Variants in ERCC8 observed in about 807,000 individuals in gnomAD.
ERCC8 encodes the protein ERCC excision repair 8, CSA ubiquitin ligase complex subunit.
A neutral mutation model predicts 54.9 loss-of-function variants in ERCC8; 52 were observed. That is an observed-to-expected ratio of 0.95 (90% CI 0.76 to 1.19). ERCC8 has a LOEUF of 1.19. Ranked by LOEUF, ERCC8 falls within the 50% of genes most tolerant of loss-of-function variation. The pLI is 0.00. For missense variants in ERCC8, 514 were observed against 466.1 expected (o/e 1.10, Z -0.95); for synonymous variants, 146 against 157.2 (o/e 0.93, Z 0.53).
At chr5:60,898,157 T>C in intron 9 of ERCC8, 119 bp downstream of exon 9, 1 of 1,188,886 alleles carries the variant, frequency 8.4e-7, no homozygotes, top group Non-Finnish European at 1.2e-6. Context: ...TAGAAACACA[T>C]TTTTAAAAAC....
At chr5:60,898,480 T>C in intron 8 of ERCC8, 80 bp from the exon 9 acceptor site, 1 of 1,514,226 alleles carries the variant, frequency 6.6e-7, no homozygotes, top group Non-Finnish European at 9.1e-7. Flanking sequence ...ATTAAACATA[T>C]TAAAGGACAA....
chr5:60,919,578 T>TA (rs1186761442), intron 3 of ERCC8: 10 of 152,058 alleles, frequency 6.6e-5, no homozygotes, highest in Admixed American at 5.9e-4. Context: ...TGCCTACTCA[T>TA]ATTTCCTTTT....
At chr5:60,902,361 T>G in intron 7 of ERCC8, 81 bp downstream of exon 7, 1 of 1,041,218 alleles carries the variant, frequency 9.6e-7, no homozygotes, top group Non-Finnish European at 1.5e-6. Context: ...TATGCTAAAA[T>G]ATATACATTA....
At position 60,899,665 on chromosome 5, in the gene ERCC8, TC is replaced by T. The variant is rs1554073175; in HGVS notation, c.679del (p.Asp227IlefsTer43). On this transcript the variant is annotated frameshift_variant, in exon 8 of 12. Coordinates refer to ENST00000676185, the MANE Select transcript of ERCC8 (RefSeq NM_000082.4). LOFTEE classifies it high-confidence loss of function. Reference protein sequence around the residue: ...RRASGCLITLDQHNGKKSQAV... With the variant: ...RRASGCLITLXQHNGKKSQAV... Reference sequence around the variant, plus strand: ...TTGTGACTTTTTCCCATTATGTTGATCAAGAGTAATCAAACATCCTGATGCT... The same window carrying T: ...TTGTGACTTTTTCCCATTATGTTGATAAGAGTAATCAAACATCCTGATGCT... 1 of 1,612,378 alleles carries T rather than the reference TC, an allele frequency of 6.2e-7. No individual in the cohort carries two copies. Among genetic ancestry groups the T allele is most frequent in the African/African-American group, 1.3e-5 (1 of 75,006 alleles).
intron 6 of ERCC8, 33 bp from the exon 7 acceptor site, chr5:60,902,541 G>A (rs1282809618): frequency 1.9e-6 from 3 of 1,567,920 alleles, no homozygotes; most frequent in African/African-American, 2.7e-5. Context: ...AGTCTTGCAA[G>A]ATATCTGAAA....
At chr5:60,931,088 C>G (rs1749895598) in intron 1 of ERCC8, among the ~76,000 whole-genome samples, 1 of 151,560 alleles carries the variant, frequency 6.6e-6, no homozygotes, top group South Asian at 2.1e-4. Flanking sequence ...TATACTCCAA[C>G]CTGGGTGACA....
At chr5:60,881,298 C>T (rs1240173433) in intron 11 of ERCC8, among the ~76,000 whole-genome samples, 1 of 152,158 alleles carries the variant, frequency 6.6e-6, no homozygotes, top group Non-Finnish European at 1.5e-5. Context: ...AGTTAGGCTA[C>T]TCGGCATCAG....
chr5:60,877,016 C>G (rs1748032284), intron 11 of ERCC8, among the ~76,000 whole-genome samples: 2 of 152,124 alleles, frequency 1.3e-5, no homozygotes, highest in Non-Finnish European at 2.9e-5. Flanking sequence ...GGTTTTAGGT[C>G]TAACATTTAA....
intron 9 of ERCC8, among the ~76,000 whole-genome samples, chr5:60,894,571 T>C (rs1422564512): frequency 6.6e-6 from 1 of 151,882 alleles, no homozygotes; most frequent in Non-Finnish European, 1.5e-5. Flanking sequence ...TTGCTTGTAC[T>C]CCAAAGGTGT....
At chr5:60,928,171 T>C (rs894358204) in intron 2 of ERCC8, among the ~76,000 whole-genome samples, 1 of 152,146 alleles carries the variant, frequency 6.6e-6, no homozygotes, top group African/African-American at 2.4e-5. Flanking sequence ...TTATGACGAA[T>C]TGTAAGTAGG....
intron 9 of ERCC8, among the ~76,000 whole-genome samples, chr5:60,896,434 TCTCCTGAC>T (rs1748727947): frequency 6.6e-6 from 1 of 152,064 alleles, no homozygotes; most frequent in South Asian, 2.1e-4. Flanking sequence ...ATGGTCTTGA[TCTCCTGAC>T]CTCGTGATCC....
chr5:60,902,878 TAA>T (rs908372754), intron 6 of ERCC8, among the ~76,000 whole-genome samples: 2 of 151,980 alleles, frequency 1.3e-5, no homozygotes, highest in African/African-American at 4.8e-5. Context: ...CAATTTCTCA[TAA>T]AGTTATAAGA....
chr5:60,898,513 G>C, intron 8 of ERCC8, 113 bp from the exon 9 acceptor site: 1 of 1,185,888 alleles, frequency 8.4e-7, no homozygotes, highest in South Asian at 1.3e-5. Flanking sequence ...CTTAAAAAAT[G>C]TAAGTAGATT....
chr5:60,879,483 A>G (rs1052060740), intron 11 of ERCC8, among the ~76,000 whole-genome samples: 1 of 152,152 alleles, frequency 6.6e-6, no homozygotes, highest in African/African-American at 2.4e-5. Flanking sequence ...AAAGTCTCCC[A>G]TTATTATTGT....
At chr5:60,886,234 C>T (rs1002824439) in intron 11 of ERCC8, among the ~76,000 whole-genome samples, 2 of 152,114 alleles carry the variant, frequency 1.3e-5, no homozygotes, top group African/African-American at 4.8e-5. Flanking sequence ...AAAAAAAATA[C>T]AGAGGCTATT....
chr5:60,878,081 A>C (rs1252693434), intron 11 of ERCC8, among the ~76,000 whole-genome samples: 3 of 152,258 alleles, frequency 2.0e-5, no homozygotes, highest in Non-Finnish European at 4.4e-5. Flanking sequence ...TTTAGCATGA[A>C]GGTTGTTGAA....
At chr5:60,921,190 C>T (rs1749590462) in intron 3 of ERCC8, among the ~76,000 whole-genome samples, 1 of 151,728 alleles carries the variant, frequency 6.6e-6, no homozygotes, top group South Asian at 2.1e-4. Flanking sequence ...ACTGATTTTC[C>T]CAAATTTGTA....
At chr5:60,910,594 T>C (rs1749229217) in intron 4 of ERCC8, among the ~76,000 whole-genome samples, 1 of 152,208 alleles carries the variant, frequency 6.6e-6, no homozygotes, top group Non-Finnish European at 1.5e-5. Context: ...AATAGTCTTG[T>C]ATATTTTTCA....
rs1378782247 is a variant in ERCC8, at chr5:60,944,926, C to G, written c.77+6G>C. 1 of 1,612,760 alleles carries G rather than the reference C, an allele frequency of 6.2e-7. No individual in the cohort carries two copies. Among genetic ancestry groups the G allele is most frequent in the South Asian group, 1.1e-5 (1 of 91,046 alleles). On this transcript the variant is annotated splice_donor_region_variant and intron_variant, in intron 1 of 11. Coordinates refer to ENST00000676185, the MANE Select transcript of ERCC8 (RefSeq NM_000082.4). The stretch of plus-strand genomic sequence containing the variant: ...CCTGTTAGCCAAAAAGTAAGGTTTT[C>G]TTTACCTCCGTGTTGACTCTGCTCT...
Sources: allele counts gnomAD v4.1 joint callset (sites outside exome capture counted in the v4.1 genomes callset), GRCh38; gene constraint gnomAD v4.1.1; transcripts MANE v1.5; gene names NCBI Gene and HGNC (gene_info 2026-07-23, HGNC 2026-07-21).